Variants in ABCA13 observed in about 807,000 individuals in gnomAD.
ABCA13 encodes ATP binding cassette subfamily A member 13.
A neutral mutation model predicts 478.7 loss-of-function variants in ABCA13; 476 were observed. That is an observed-to-expected ratio of 0.99 (90% confidence interval 0.92 to 1.07). ABCA13 has a LOEUF of 1.07. Among genes scored for constraint, ABCA13 ranks in the 50% least tolerant of loss-of-function variants. The pLI, the probability that ABCA13 is intolerant of heterozygous loss-of-function variation, is 0.00. For synonymous variants in ABCA13, 2,252 were observed against 2,158.9 expected, an observed-to-expected ratio of 1.04 and a Z score of -1.20; for missense variants, 6,060 against 5,910.6, an observed-to-expected ratio of 1.03 and a Z score of -0.83.
At chr7:48,195,789 G>A (rs1388772651) in intron 2 of ABCA13, among the ~76,000 whole-genome samples, 1 of 152,146 alleles carries the variant, frequency 6.6e-6, no homozygotes, top group Non-Finnish European at 1.5e-5. Flanking sequence ...TGCTGGAAGG[G>A]AAACAAAGAG....
At position 48,293,200 on chromosome 7, in the gene ABCA13, C is replaced by T. The variant is rs535419848; in HGVS notation, c.8956-2500C>T. ...TTCCTGAGAAGTCTTCAGCCCCCCC[C>T]CCGCCACACACACACTAAATCTACC... On this transcript the variant is annotated intron_variant, in intron 20 of 61. Transcript: ENST00000435803. Among the ~76,000 whole-genome samples, 194 of 136,636 alleles carry T rather than the reference C, an allele frequency of 1.4e-3. 8 individuals carry two copies. The highest frequency in any genetic ancestry group is 4.2e-3 in the African/African-American group (164 of 38,716). 89.6% of individuals were successfully genotyped at this position (136,636 alleles called of 152,430 possible).
chr7:48,458,064 A>G (rs917461929), intron 43 of ABCA13, among the ~76,000 whole-genome samples: 4 of 152,164 alleles, frequency 2.6e-5, no homozygotes, highest in Admixed American at 1.3e-4. Context: ...TTTCTTCTGC[A>G]TACTGGATCC....
At chr7:48,308,712 G>A (rs539304619) in intron 23 of ABCA13, among the ~76,000 whole-genome samples, 8 of 151,942 alleles carry the variant, frequency 5.3e-5, no homozygotes, top group Admixed American at 3.3e-4. Context: ...GTCAACAATG[G>A]ACCCCATATA....
At chr7:48,360,416 G>A (rs919109538) in intron 31 of ABCA13, among the ~76,000 whole-genome samples, 1 of 151,918 alleles carries the variant, frequency 6.6e-6, no homozygotes, top group Non-Finnish European at 1.5e-5. Flanking sequence ...TTTGATTTGG[G>A]TTCCAGAGAA....
intron 35 of ABCA13, among the ~76,000 whole-genome samples, chr7:48,378,362 G>T (rs747206297): frequency 6.6e-6 from 1 of 152,098 alleles, no homozygotes; most frequent in Non-Finnish European, 1.5e-5. Flanking sequence ...GTTCAATGAG[G>T]TCAACTTGAG....
At chr7:48,562,527 A>G (rs578183326) in intron 55 of ABCA13, among the ~76,000 whole-genome samples, 5 of 151,404 alleles carry the variant, frequency 3.3e-5, no homozygotes, top group African/African-American at 7.3e-5. Flanking sequence ...GACATATGCA[A>G]ACATAGATTG....
In ABCA13 at chr7:48,414,598, A is replaced by G. The variant is rs766831710; in HGVS notation, c.12459+2015A>G. Reference sequence around the variant, plus strand: ...CATATGTAACATATAATATACATACATATACATATATTACATGTAATAATA... The same window carrying G: ...CATATGTAACATATAATATACATACGTATACATATATTACATGTAATAATA... On this transcript the variant is annotated intron_variant, in intron 41 of 61. Transcript: ENST00000435803. 9.5e-4 allele frequency among the ~76,000 whole-genome samples: 143 copies of G among 150,244 alleles called. 1 individual carries two copies. The highest frequency in any genetic ancestry group is 1.1e-3 in the Non-Finnish European group (76 of 67,664).
At position 48,274,557 on chromosome 7, in the gene ABCA13, G is replaced by A; in HGVS notation, c.4891G>A (p.Gly1631Ser). ...TGAAATAATGAAAGCTACAGGTCTT[G>A]GTATTCAACTGATAAGGGATGTGTT... ...SPEIMKATGL[G>S]IQLIRDVFNS... The change falls in exon 17 of 62, where the codon GGT (glycine) becomes AGT (serine). Residue 1631 changes from glycine to serine, a missense_variant. By Grantham distance (56) the Gly-to-Ser change is moderately conservative. This residue lies in a region of ABCA13 where 4,423 missense variants were observed against 4,309.1 expected (regional missense o/e 1.03). Transcript: ENST00000435803. 1 of 1,613,820 alleles carries A rather than the reference G, an allele frequency of 6.2e-7. No individual in the cohort carries two copies. The highest frequency in any genetic ancestry group is 8.5e-7 in the Non-Finnish European group (1 of 1,179,836).
chr7:48,272,702 A>G lies in ABCA13; in HGVS notation c.3036A>G (p.Ala1012=). ...FNFQNISKAF[A]FLFKTAEVLG... Reference sequence around the variant, plus strand: ...TCCAAAACATCAGTAAAGCATTTGCATTTTTATTTAAGACAGCAGAGGTTC... The same window carrying G: ...TCCAAAACATCAGTAAAGCATTTGCGTTTTTATTTAAGACAGCAGAGGTTC... Residue 1012 remains alanine, a synonymous_variant, in exon 17 of 62, where the codon GCA becomes GCG. Transcript: ENST00000435803. 1.9e-6 allele frequency: 3 copies of G among 1,611,952 alleles called. No homozygotes were observed. The highest frequency in any genetic ancestry group is 1.1e-5 in the South Asian group (1 of 90,870).
intron 37 of ABCA13, among the ~76,000 whole-genome samples, chr7:48,390,266 T>G (rs1277306566): frequency 6.6e-6 from 1 of 152,218 alleles, no homozygotes; most frequent in African/African-American, 2.4e-5. Flanking sequence ...TTGCTTTTAG[T>G]GTACATTTGT....
chr7:48,263,547 T>C (rs1794472375), intron 15 of ABCA13, among the ~76,000 whole-genome samples: 4 of 152,024 alleles, frequency 2.6e-5, no homozygotes, highest in South Asian at 2.1e-4. Context: ...TTTTCTTTAC[T>C]GAGTTCTTAT....
intron 43 of ABCA13, among the ~76,000 whole-genome samples, chr7:48,464,210 G>A (rs1337737088): frequency 6.6e-6 from 1 of 152,214 alleles, no homozygotes; most frequent in Admixed American, 6.5e-5. Flanking sequence ...GGCAACAAAA[G>A]AGGGATAGTT....
At chr7:48,452,191 C>G (rs371462271) in intron 42 of ABCA13, among the ~76,000 whole-genome samples, 6 of 152,180 alleles carry the variant, frequency 3.9e-5, no homozygotes, top group Admixed American at 2.0e-4. Flanking sequence ...TACTATGACT[C>G]CGGGTCAACA....
chr7:48,278,184 A>G lies in ABCA13; in HGVS notation c.6990A>G (p.Ser2330=). The change falls in exon 18 of 62, where the codon TCA becomes TCG. Residue 2330 remains serine (S), a synonymous_variant. Coordinates refer to ENST00000435803, the MANE Select transcript of ABCA13 (RefSeq NM_152701.5). Reference sequence around the variant, plus strand: ...AAGACAGATTGATGAACATTTTTTCAAGTTTAAAGGAGACTATATATCACC... The same window carrying G: ...AAGACAGATTGATGAACATTTTTTCGAGTTTAAAGGAGACTATATATCACC... ...MIQDRLMNIF[S]SLKETIYHLM... The G allele has an allele frequency of 1.3e-6, 2 of 1,567,306 alleles. No homozygotes were observed. Among genetic ancestry groups the G allele is most frequent in the Non-Finnish European group, 1.7e-6 (2 of 1,156,656 alleles).
chr7:48,593,388 A>G (rs1789964238), intron 57 of ABCA13, among the ~76,000 whole-genome samples: 1 of 151,924 alleles, frequency 6.6e-6, no homozygotes, highest in Non-Finnish European at 1.5e-5. Context: ...CACATTAAAA[A>G]AAAACTACAC....
At position 48,320,834 on chromosome 7, in the gene ABCA13, C is replaced by A. The variant is rs78277226; in HGVS notation, c.9999+3538C>A. 7.2e-3 allele frequency among the ~76,000 whole-genome samples: 1,096 copies of A among 152,304 alleles called. 9 individuals carry two copies. The highest frequency in any genetic ancestry group is 0.048 in the Middle Eastern group (14 of 292). ...CCGTCTTATTTTCATCTAGCTCTCT[C>A]CCTTTGGCTAAAGGACAGAGCTTTG... On this transcript the variant is annotated intron_variant, in intron 27 of 61. Coordinates refer to ENST00000435803, the MANE Select transcript of ABCA13 (RefSeq NM_152701.5).
intron 15 of ABCA13, among the ~76,000 whole-genome samples, chr7:48,257,760 T>TTTG (rs758417176): frequency 1.3e-5 from 2 of 152,144 alleles, no homozygotes; most frequent in East Asian, 3.9e-4. Context: ...GCCTGAAATT[T>TTTG]TTGTTGTTGT....
chr7:48,211,203 G>A (rs1440139195), intron 3 of ABCA13, among the ~76,000 whole-genome samples: 1 of 152,158 alleles, frequency 6.6e-6, no homozygotes, highest in Admixed American at 6.5e-5. Flanking sequence ...GAAGAGTTAG[G>A]CATTTATTCC....
rs1449344454 is a variant in ABCA13 at position 48,273,386 on chromosome 7, T to C, written c.3720T>C (p.Asn1240=). Residue 1240 remains asparagine, a synonymous_variant, in exon 17 of 62, where the codon AAT becomes AAC. Coordinates refer to ENST00000435803, the MANE Select transcript of ABCA13 (RefSeq NM_152701.5). ...GGGATTTTTTGGTAGCTTTAGGTAATGCATTAGTTTCAGTAAAAAAACTTA... is the reference window on the plus strand; with the variant it reads ...GGGATTTTTTGGTAGCTTTAGGTAACGCATTAGTTTCAGTAAAAAAACTTA... The part of the protein sequence containing the change: ...DLRDFLVALG[N]ALVSVKKLNL... The C allele has an allele frequency of 1.9e-6, 3 of 1,613,668 alleles. No individual in the cohort carries two copies. Among genetic ancestry groups the C allele is most frequent in the South Asian group, 2.2e-5 (2 of 91,072 alleles).
Sources: gnomAD v4.1 joint callset for allele counts (sites outside exome capture counted in the v4.1 genomes callset) on GRCh38, gnomAD v4.1.1 for gene constraint, gnomAD v4.1.1 regional missense constraint, MANE v1.5 for transcripts, NCBI Gene and HGNC (gene_info 2026-07-23, HGNC 2026-07-21) for gene names.